Variants in TPD52L1 observed in about 807,000 individuals in gnomAD.
TPD52L1 encodes tumor protein D53.
Under a neutral mutation model 28.7 loss-of-function variants are expected in TPD52L1, and 18 were observed. That is an observed-to-expected ratio of 0.63 (90% CI 0.43 to 0.93). The LOEUF is 0.93. Among genes scored for constraint, TPD52L1 ranks in the 40% least tolerant of loss-of-function variants. The pLI, the probability that TPD52L1 is intolerant of heterozygous loss-of-function variation, is 0.00. For missense variants in TPD52L1, 203 were observed against 254.8 expected (o/e 0.80, Z 1.39); for synonymous variants, 75 against 88.8 (o/e 0.84, Z 0.88).
chr6:125,172,478 GTT>G (rs59798804), intron 1 of TPD52L1, among the ~76,000 whole-genome samples: 1 of 73,274 alleles, frequency 1.4e-5, no homozygotes, highest in Non-Finnish European at 2.5e-5. Context: ...GTGTGTGTGT[GTT>G]TTTTTTTTAG....
chr6:125,222,125 C>A (rs570403732), intron 2 of TPD52L1: 1 of 152,210 alleles, frequency 6.6e-6, no homozygotes, highest in Non-Finnish European at 1.5e-5. Flanking sequence ...AGTGTGCATG[C>A]GGATGTGTGG....
intron 1 of TPD52L1, among the ~76,000 whole-genome samples, chr6:125,155,302 G>A: frequency 6.6e-6 from 1 of 152,254 alleles, no homozygotes; most frequent in Non-Finnish European, 1.5e-5. Flanking sequence ...ATTATTTAGA[G>A]AGTCTTCATT....
intron 2 of TPD52L1, among the ~76,000 whole-genome samples, chr6:125,225,134 C>A (rs1420787413): frequency 1.3e-5 from 2 of 152,152 alleles, no homozygotes; most frequent in East Asian, 3.8e-4. Context: ...TTTCACTTAG[C>A]CTGATGTTTT....
intron 1 of TPD52L1, among the ~76,000 whole-genome samples, chr6:125,200,060 A>G (rs562682464): frequency 6.6e-6 from 1 of 152,348 alleles, no homozygotes; most frequent in South Asian, 2.1e-4. Flanking sequence ...ATGCATTTTC[A>G]AAGCCACTGA....
chr6:125,233,508 A>T (rs192152681), intron 3 of TPD52L1, among the ~76,000 whole-genome samples: 156 of 152,286 alleles, frequency 1.0e-3, no homozygotes, highest in Admixed American at 1.4e-3. Context: ...TTTTACCTTC[A>T]GGCTTTCATC....
At chr6:125,247,773 C>T (rs1223211924) in intron 3 of TPD52L1, among the ~76,000 whole-genome samples, 2 of 152,138 alleles carry the variant, frequency 1.3e-5, no homozygotes, top group African/African-American at 4.8e-5. Flanking sequence ...AGATAATGTG[C>T]TTTTATTATT....
intron 2 of TPD52L1, 39 bp from the exon 3 acceptor site, chr6:125,229,079 T>C: frequency 6.3e-7 from 1 of 1,598,040 alleles, no homozygotes; most frequent in Non-Finnish European, 8.5e-7. Flanking sequence ...TTTTTGCTGG[T>C]CTGACATTTT....
chr6:125,169,241 C>T lies in TPD52L1; in HGVS notation c.19+15271C>T, dbSNP rs75556693. On this transcript the variant is annotated intron_variant, in intron 1 of 6. Coordinates refer to ENST00000534000, the MANE Select transcript of TPD52L1 (RefSeq NM_003287.4). ...TAGCTGCTGGCCTGCCCCAAGGATC[C>T]GTCCTTGGCCTGCTTCTTCTTTCTA... is the stretch of plus-strand genomic sequence containing the variant. 5.4e-3 allele frequency among the ~76,000 whole-genome samples: 820 copies of T among 152,078 alleles called. 6 individuals carry two copies. Among genetic ancestry groups the T allele is most frequent in the African/African-American group, 0.019 (771 of 41,460 alleles).
At chr6:125,226,170 G>T (rs1582967310) in intron 2 of TPD52L1, among the ~76,000 whole-genome samples, 1 of 152,048 alleles carries the variant, frequency 6.6e-6, no homozygotes, top group Admixed American at 6.6e-5. Flanking sequence ...TATTCTGAAC[G>T]TTTTGAAAAG....
intron 4 of TPD52L1, 62 bp downstream of exon 4, chr6:125,248,445 A>ACTAG: frequency 8.2e-7 from 1 of 1,212,466 alleles, no homozygotes; most frequent in South Asian, 1.2e-5. Flanking sequence ...TGAAGGGAGC[A>ACTAG]CTAGCTATTA....
chr6:125,173,673 T>C (rs1025576664), intron 1 of TPD52L1, among the ~76,000 whole-genome samples: 8 of 152,246 alleles, frequency 5.3e-5, no homozygotes, highest in Non-Finnish European at 7.3e-5. Flanking sequence ...CGTACATACA[T>C]ATATACAAAT....
chr6:125,238,720 A>G (rs771743037), intron 3 of TPD52L1, among the ~76,000 whole-genome samples: 1 of 152,226 alleles, frequency 6.6e-6, no homozygotes, highest in African/African-American at 2.4e-5. Flanking sequence ...GTAGGAATAT[A>G]TATTAACTAG....
At chr6:125,219,250 C>T (rs1281176156) in intron 1 of TPD52L1, among the ~76,000 whole-genome samples, 2 of 152,162 alleles carry the variant, frequency 1.3e-5, no homozygotes, top group Non-Finnish European at 2.9e-5. Context: ...AGGGGCCCTA[C>T]CAGGGAACTT....
chr6:125,230,675 C>T (rs73771289), intron 3 of TPD52L1, among the ~76,000 whole-genome samples: 2,121 of 152,236 alleles, frequency 0.014, 56 homozygotes, highest in African/African-American at 0.048. Context: ...GGGTCTAAAA[C>T]GAGCATGACA....
intron 1 of TPD52L1, chr6:125,154,281 G>A: frequency 8.3e-7 from 1 of 1,199,930 alleles, no homozygotes; most frequent in Non-Finnish European, 1.0e-6. Context: ...GCGGCTGCCC[G>A]AAGGACCTGT....
intron 3 of TPD52L1, among the ~76,000 whole-genome samples, chr6:125,235,098 T>TAAC (rs1236299346): frequency 3.1e-5 from 4 of 127,104 alleles, no homozygotes; most frequent in African/African-American, 1.6e-4. Flanking sequence ...TGTCTACAAA[T>TAAC]AACAATAATA....
rs1192388784 is a variant in TPD52L1, at chr6:125,261,795, CTATGCTTAGTCAATAACAAA to C, written c.487-1036_487-1017del. The C allele has an allele frequency of 3.3e-5, 5 of 152,228 alleles. No homozygotes were observed. The Middle Eastern group carries it at 0.01, about 311-fold the overall frequency. The allele number at this position is 152,228 out of a possible 1,614,324, so 9.4% of individuals were successfully genotyped here. The stretch of plus-strand genomic sequence containing the variant: ...ATTGTAAGTTAATTCCTTCATGTTT[CTATGCTTAGTCAATAACAAA>C]TACACAAGAAAAAAGCCTCATAAAC... On this transcript the variant is annotated intron_variant, in intron 6 of 6. Transcript: ENST00000534000.
At chr6:125,203,247 C>T (rs1348489203) in intron 1 of TPD52L1, among the ~76,000 whole-genome samples, 1 of 152,160 alleles carries the variant, frequency 6.6e-6, no homozygotes, top group East Asian at 1.9e-4. Context: ...AGTTTGTTCA[C>T]AGAAGGAAGT....
chr6:125,255,736 C>CTT (rs3839548), intron 5 of TPD52L1, among the ~76,000 whole-genome samples: 1 of 146,218 alleles, frequency 6.8e-6, no homozygotes, highest in African/African-American at 2.5e-5. Flanking sequence ...TCTTATTTTA[C>CTT]TTTTTTTTTT....
Sources: allele counts gnomAD v4.1 joint callset (sites outside exome capture counted in the v4.1 genomes callset), GRCh38; gene constraint gnomAD v4.1.1; transcripts MANE v1.5; gene names NCBI Gene and HGNC (gene_info 2026-07-23, HGNC 2026-07-21).